The following RYR1 variants were observed in gnomAD, a reference collection of about 807,000 sequenced individuals.
The protein encoded by RYR1 is central core disease of muscle.
In RYR1, 342 loss-of-function variants were observed where a neutral mutation model predicts 583.5. The observed-to-expected ratio is 0.59, with a 90% CI of 0.54 to 0.64. The LOEUF is 0.64. Ranked by LOEUF, RYR1 falls within the 30% of genes least tolerant of loss-of-function variation. The probability of loss-of-function intolerance (pLI) is 0.00; values close to 1 mark genes in which losing one functional copy is unlikely to be tolerated. For missense variants in RYR1, 6,032 were observed against 6,917.2 expected (o/e 0.87, Z 4.54); for synonymous variants, 2,791 against 2,822.5 (o/e 0.99, Z 0.35).
chr19:38,500,498 G>C lies in RYR1; in HGVS notation c.7324-108G>C. On this transcript the variant is annotated intron_variant, in intron 45 of 105. Coordinates refer to ENST00000359596, the MANE Select transcript of RYR1 (RefSeq NM_000540.3). The surrounding 1 kb of genome is among the most constrained non-coding windows in gnomAD (Gnocchi z 5.9). ...CTGGAAACTCTAGACAGCCTCCTGA[G>C]AAAGAGGCCTGCTCTACCCTCCTGT... The C allele has an allele frequency of 1.3e-6, 2 of 1,512,694 alleles. No homozygotes were observed. Among genetic ancestry groups the C allele is most frequent in the East Asian group, 4.5e-5 (2 of 44,238 alleles). The allele number at this position is 1,512,694 out of a possible 1,614,324, so 93.7% of individuals were successfully genotyped here.
chr19:38,463,571 G>T, intron 21 of RYR1, 44 bp downstream of exon 21: 16 of 1,579,602 alleles, frequency 1.0e-5, no homozygotes, highest in Non-Finnish European at 1.4e-5. Flanking sequence ...CTAGACTTGC[G>T]GTGCCAGGAG....
intron 70 of RYR1, among the ~76,000 whole-genome samples, chr19:38,524,638 C>T (rs1971389610): frequency 6.6e-6 from 1 of 152,246 alleles, no homozygotes; most frequent in African/African-American, 2.4e-5. Context: ...CAGAACACGG[C>T]TGTGGGACTC....
rs570883094 is a variant in RYR1 at position 38,561,946 on chromosome 19, G to A, written c.12624+492G>A. Reference sequence around the variant, plus strand: ...CGCCTTGGGGGCTCTGGGGTGCCCTGGCATGCTGACCCACCCTTCACCAGT... The same window carrying A: ...CGCCTTGGGGGCTCTGGGGTGCCCTAGCATGCTGACCCACCCTTCACCAGT... On this transcript the variant is annotated intron_variant, in intron 90 of 105. Coordinates refer to ENST00000359596, the MANE Select transcript of RYR1 (RefSeq NM_000540.3). This position sits in a 1 kb window ranked among gnomAD's most constrained non-coding sequence, Gnocchi z 4.8. 6.6e-6 allele frequency among the ~76,000 whole-genome samples: 1 copy of A among 152,174 alleles called. No homozygotes were observed. The highest frequency in any genetic ancestry group is 2.4e-5 in the African/African-American group (1 of 41,514).
At chr19:38,531,512 G>C (rs986562941) in intron 76 of RYR1, among the ~76,000 whole-genome samples, 1 of 151,896 alleles carries the variant, frequency 6.6e-6, no homozygotes, top group African/African-American at 2.4e-5. Context: ...AGCAGAAAGG[G>C]ATTGGCCATA....
intron 105 of RYR1, among the ~76,000 whole-genome samples, 166 bp downstream of exon 105, chr19:38,586,742 G>T (rs1334030149): frequency 6.6e-6 from 1 of 152,200 alleles, no homozygotes; most frequent in African/African-American, 2.4e-5. Context: ...AGGCCAAGGC[G>T]GGTGGATTAC....
chr19:38,534,919 A>G (rs1000802940), intron 79 of RYR1, 100 bp downstream of exon 79: 4 of 1,350,250 alleles, frequency 3.0e-6, no homozygotes, highest in South Asian at 1.3e-5. Context: ...CCGCCCCTCA[A>G]TGCCTGTGGT....
At position 38,516,199 on chromosome 19, in the gene RYR1, T is replaced by A. The variant is rs1484527548; in HGVS notation, c.9667T>A (p.Ser3223Thr). The A allele has an allele frequency of 6.3e-7, 1 of 1,581,076 alleles. No individual in the cohort carries two copies. Residue 3223 changes from serine (S) to threonine (T), a missense_variant, in exon 65 of 106, where the codon TCT becomes ACT. Transcript: ENST00000359596. ...YNACSVYTTK[S>T]PRERAILGLP... is the part of the protein sequence containing the mutation. ...CGCCTGCTCCGTGTACACCACCAAG[T>A]CTCCGCGGGAGCGGGCCAGTAAGCT...
At chr19:38,473,880 T>C (rs1968574034) in intron 28 of RYR1, 109 bp downstream of exon 28, 2 of 769,364 alleles carry the variant, frequency 2.6e-6, no homozygotes, top group Non-Finnish European at 4.1e-6. Context: ...TAGACCCATA[T>C]ATGCTAAGTG....
In RYR1 at chr19:38,516,229, G is replaced by T; in HGVS notation, c.9685+12G>T. ...GCGGGAGCGGGCCAGTAAGCTGTGT[G>T]GGGCGGGAGCAGTGCTGGGAGTCCA... is the stretch of plus-strand genomic sequence containing the variant. On this transcript the variant is annotated intron_variant, in intron 65 of 105. Transcript: ENST00000359596. 6.3e-7 allele frequency: 1 copy of T among 1,584,498 alleles called. No homozygotes were observed. Among genetic ancestry groups the T allele is most frequent in the Non-Finnish European group, 8.6e-7 (1 of 1,165,142 alleles).
Position 38,446,733 on chromosome 19 carries a change from C to T in RYR1, c.765C>T (p.Ala255=). The change falls in exon 9 of 106, where the codon GCC becomes GCT. Residue 255 remains alanine, a synonymous_variant. Transcript: ENST00000359596. ...YYEGGAVCTH[A]RSLWRLEPLR... ...AGGGGGGAGCTGTGTGCACTCATGC[C>T]CGCTCCCTCTGGAGGCTGGAGCCAC... The T allele has an allele frequency of 6.2e-7, 1 of 1,613,816 alleles. No individual in the cohort carries two copies.
chr19:38,553,915 C>G (rs1320188595), intron 89 of RYR1, among the ~76,000 whole-genome samples: 1 of 152,168 alleles, frequency 6.6e-6, no homozygotes, highest in East Asian at 1.9e-4. Flanking sequence ...TTCTTTTTTA[C>G]AGGTGTCCAA....
intron 16 of RYR1, among the ~76,000 whole-genome samples, chr19:38,456,677 A>G (rs1041369847): frequency 1.3e-5 from 2 of 152,046 alleles, no homozygotes; most frequent in African/African-American, 4.8e-5. Flanking sequence ...ATAGCCCTAC[A>G]AGTTCCTGTT....
At chr19:38,477,904 G>A in intron 30 of RYR1, 34 bp downstream of exon 30, 2 of 1,449,550 alleles carry the variant, frequency 1.4e-6, no homozygotes, top group Non-Finnish European at 1.9e-6. Flanking sequence ...GAGGTGCAGG[G>A]TGGGGAGGGC....
chr19:38,475,872 T>C (rs1298613701), intron 29 of RYR1, among the ~76,000 whole-genome samples: 7 of 152,240 alleles, frequency 4.6e-5, no homozygotes, highest in African/African-American at 1.7e-4. Flanking sequence ...AAATATTTCA[T>C]AGACAGACAG....
At chr19:38,468,755 CAG>C (rs1482983916) in intron 25 of RYR1, among the ~76,000 whole-genome samples, 3 of 152,292 alleles carry the variant, frequency 2.0e-5, no homozygotes, top group Admixed American at 6.5e-5. Context: ...GGATGAGACA[CAG>C]AGATTAGTGG....
rs547949606 is a variant in RYR1, at chr19:38,502,743, C to T, written c.7835+16C>T. On this transcript the variant is annotated intron_variant, in intron 48 of 105. Transcript: ENST00000359596. ...CGCTCTGCAGGTGGAGCGGGGCAGG[C>T]TTCAGGGTGGGGCAGGGGCAGGGGC... 443 of 1,202,812 alleles carry T rather than the reference C, an allele frequency of 3.7e-4. 5 individuals carry two copies. Among genetic ancestry groups the T allele is most frequent in the South Asian group, 3.1e-3 (234 of 76,560 alleles). The allele number at this position is 1,202,812 out of a possible 1,614,324, so 74.5% of individuals were successfully genotyped here.
In RYR1 at chr19:38,496,618, C is replaced by T; in HGVS notation, c.6796+77C>T. The stretch of plus-strand genomic sequence containing the variant: ...CCGTCCAGGCCTGCCCCACTTTCCA[C>T]CAGCTCACTCATTCAACAAACACTC... On this transcript the variant is annotated intron_variant, in intron 41 of 105. Coordinates refer to ENST00000359596, the MANE Select transcript of RYR1 (RefSeq NM_000540.3). This position sits in a 1 kb window ranked among gnomAD's most constrained non-coding sequence, Gnocchi z 4.8. 4 of 1,555,136 alleles carry T rather than the reference C, an allele frequency of 2.6e-6. No individual in the cohort carries two copies. The highest frequency in any genetic ancestry group is 3.6e-4 in the Middle Eastern group (2 of 5,540).
In RYR1 at chr19:38,489,204, G is replaced by T. The variant is rs762417697; in HGVS notation, c.5575G>T (p.Val1859Leu). Residue 1859 changes from valine (V) to leucine (L), a missense_variant, in exon 35 of 106, where the codon GTG (valine) becomes TTG (leucine). Val to Leu is a conservative substitution (Grantham distance 32, BLOSUM62 1). This residue lies in a region of RYR1 where 2,627 missense variants were observed against 2,961.3 expected (regional missense o/e 0.89). Transcript: ENST00000359596. ...LVMGIFGDEDVKQILKMIEPE... is the reference protein window; with the variant it reads ...LVMGIFGDEDLKQILKMIEPE... The stretch of plus-strand genomic sequence containing the variant: ...GATGGGCATCTTTGGCGATGAGGAT[G>T]TGAAACAGATCTTGAAGATGATTGA... The T allele has an allele frequency of 5.6e-6, 9 of 1,614,148 alleles. No individual in the cohort carries two copies. In the South Asian group the frequency reaches 7.7e-5, roughly 14 times the overall value.
chr19:38,494,737 A>C, intron 39 of RYR1, 112 bp downstream of exon 39: 44 of 1,358,676 alleles, frequency 3.2e-5, no homozygotes, highest in Non-Finnish European at 4.1e-5. Flanking sequence ...GGGTGATCTC[A>C]GTCTCTCGAT....
Sources: allele counts gnomAD v4.1 joint callset (sites outside exome capture counted in the v4.1 genomes callset), GRCh38; gene constraint gnomAD v4.1.1; regional missense constraint gnomAD v4.1.1; non-coding constraint Gnocchi (gnomAD v3.1); transcripts MANE v1.5; gene names NCBI Gene and HGNC (gene_info 2026-07-23, HGNC 2026-07-21).